Variants in SPRR2G observed in about 807,000 individuals in gnomAD.
SPRR2G encodes small proline rich protein 2G.
In SPRR2G, 1 loss-of-function variant was observed where a neutral mutation model predicts 0.7. The ratio of observed to expected loss-of-function variants is 1.49; its 90% CI spans 0.53 to 7.06. The LOEUF (loss-of-function observed/expected upper bound fraction) is 7.06, where lower values mean the gene tolerates loss of function less well. SPRR2G is among the 30% of genes most tolerant of loss of function. SPRR2G has a pLI of 0.14. For missense variants in SPRR2G, 96 were observed against 88.5 expected (o/e 1.09, Z -0.34); for synonymous variants, 38 against 33.9 (o/e 1.12, Z -0.42).
chr1:153,193,418 T>C, the SPRR2G span, among the ~76,000 whole-genome samples: 1 of 152,196 alleles, frequency 6.6e-6, no homozygotes, highest in African/African-American at 2.4e-5. Flanking sequence ...CTTCATTCCC[T>C]ATGCTGCCCT....
chr1:153,158,146 C>A, the SPRR2G span, among the ~76,000 whole-genome samples: 1 of 152,172 alleles, frequency 6.6e-6, no homozygotes, highest in Non-Finnish European at 1.5e-5. Flanking sequence ...TCCCAACAGT[C>A]CCCCAAAGTC....
chr1:153,200,760 C>T, the SPRR2G span, among the ~76,000 whole-genome samples: 7 of 149,070 alleles, frequency 4.7e-5, no homozygotes, highest in Non-Finnish European at 8.8e-5. Flanking sequence ...AGTGCAATGG[C>T]GTGATCTCTG....
the SPRR2G span, among the ~76,000 whole-genome samples, chr1:153,187,845 G>A: frequency 2.6e-5 from 4 of 152,116 alleles, no homozygotes; most frequent in Admixed American, 6.5e-5. Context: ...GGATTTATCC[G>A]CCTTTGAGCT....
At chr1:153,178,247 G>T in the SPRR2G span, among the ~76,000 whole-genome samples, 13 of 152,200 alleles carry the variant, frequency 8.5e-5, no homozygotes, top group South Asian at 2.5e-3. Context: ...AGGAATTTCT[G>T]CATGGGCAAT....
At chr1:153,166,684 C>A in the SPRR2G span, among the ~76,000 whole-genome samples, 1 of 152,094 alleles carries the variant, frequency 6.6e-6, no homozygotes, top group African/African-American at 2.4e-5. Context: ...ATAGATATGT[C>A]ATTTCATTCA....
chr1:153,174,261 A>G, the SPRR2G span, among the ~76,000 whole-genome samples: 1 of 152,226 alleles, frequency 6.6e-6, no homozygotes, highest in East Asian at 1.9e-4. Flanking sequence ...GTACCATCTC[A>G]GGATATTAAT....
chr1:153,193,579 G>A, the SPRR2G span, among the ~76,000 whole-genome samples: 2 of 152,176 alleles, frequency 1.3e-5, no homozygotes, highest in South Asian at 4.1e-4. Context: ...GAGGTGGTGT[G>A]AGTTAATGTT....
At chr1:153,177,096 T>C in the SPRR2G span, among the ~76,000 whole-genome samples, 8 of 152,150 alleles carry the variant, frequency 5.3e-5, no homozygotes, top group African/African-American at 1.9e-4. Flanking sequence ...TTTATATACA[T>C]AGAATCATAC....
chr1:153,174,399 T>C, the SPRR2G span: 2 of 152,180 alleles, frequency 1.3e-5, no homozygotes, highest in East Asian at 1.9e-4. Flanking sequence ...ATAGGGGAAA[T>C]GTCCAAAAAC....
the SPRR2G span, among the ~76,000 whole-genome samples, chr1:153,184,650 C>A: frequency 1.3e-5 from 2 of 152,148 alleles, no homozygotes; most frequent in Non-Finnish European, 2.9e-5. Context: ...CATCTGCAAA[C>A]AGAGACAACT....
chr1:153,180,945 A>G, the SPRR2G span, among the ~76,000 whole-genome samples: 1 of 152,134 alleles, frequency 6.6e-6, no homozygotes, highest in Non-Finnish European at 1.5e-5. Flanking sequence ...GGTTGTTCAG[A>G]TATTTTTCTA....
the SPRR2G span, chr1:153,174,521 A>C: frequency 6.6e-6 from 1 of 152,480 alleles, no homozygotes; most frequent in East Asian, 1.9e-4. Context: ...CGCAAAAGGG[A>C]GCCACCACCC....
At chr1:153,192,387 A>G in the SPRR2G span, among the ~76,000 whole-genome samples, 1 of 152,208 alleles carries the variant, frequency 6.6e-6, no homozygotes, top group Non-Finnish European at 1.5e-5. Flanking sequence ...CAGCCACACA[A>G]TAGCCTCTCC....
chr1:153,188,371 G>A, the SPRR2G span, among the ~76,000 whole-genome samples: 1 of 152,160 alleles, frequency 6.6e-6, no homozygotes, highest in African/African-American at 2.4e-5. Context: ...CTCCTGACTG[G>A]GGCTGCTGCC....
At position 153,149,967 on chromosome 1, in the gene SPRR2G, A is replaced by G; in HGVS notation, c.144T>C (p.Pro48=). The G allele has an allele frequency of 6.2e-7, 1 of 1,613,928 alleles. No homozygotes were observed. The highest frequency in any genetic ancestry group is 8.5e-7 in the Non-Finnish European group (1 of 1,179,986). The change falls in exon 2 of 2, where the codon CCT becomes CCC. Residue 48 remains proline (P), a synonymous_variant. Transcript: ENST00000368748. ...PPPCPPEHCP[P]PPCQDKCPPV... ...GAGGGCATTTATCCTGGCATGGTGG[A>G]GGTGGGCAATGCTCAGGTGGACAAG...
the SPRR2G span, among the ~76,000 whole-genome samples, chr1:153,171,911 C>A: frequency 6.6e-6 from 1 of 152,142 alleles, no homozygotes; most frequent in East Asian, 1.9e-4. Flanking sequence ...CCCTCCCATG[C>A]CCCCCGAATC....
the SPRR2G span, among the ~76,000 whole-genome samples, chr1:153,183,607 T>C: frequency 6.6e-6 from 1 of 152,214 alleles, no homozygotes; most frequent in Non-Finnish European, 1.5e-5. Flanking sequence ...TCCTTGTAGA[T>C]TCTGGATATT....
chr1:153,191,687 T>C, the SPRR2G span: 1 of 152,166 alleles, frequency 6.6e-6, no homozygotes, highest in African/African-American at 2.4e-5. Flanking sequence ...CCCTACTGAA[T>C]GCATCTCAGG....
upstream of SPRR2G, among the ~76,000 whole-genome samples, chr1:153,152,754 T>C (rs1049319901): frequency 2.8e-4 from 43 of 152,352 alleles, no homozygotes; most frequent in African/African-American, 1.0e-3. Flanking sequence ...AGCTGATGCA[T>C]GCTGAAGAAT....
Sources: gnomAD v4.1 joint callset for allele counts (sites outside exome capture counted in the v4.1 genomes callset) on GRCh38, gnomAD v4.1.1 for gene constraint, MANE v1.5 for transcripts, NCBI Gene and HGNC (gene_info 2026-07-23, HGNC 2026-07-21) for gene names.